The following GALNT18 variants were observed in gnomAD, a reference collection of about 807,000 sequenced individuals.
The protein encoded by GALNT18 is polypeptide N-acetylgalactosaminyltransferase 18, also known as GalNAc-transferase 18.
A neutral mutation model predicts 69.5 loss-of-function variants in GALNT18; 44 were observed. The observed-to-expected ratio is 0.63, with a 90% confidence interval of 0.50 to 0.81. The LOEUF (loss-of-function observed/expected upper bound fraction) is 0.81, where lower values mean the gene tolerates loss of function less well. GALNT18 is among the 40% of genes least tolerant of loss of function. The pLI is 0.00. For synonymous variants in GALNT18, 364 were observed against 318.2 expected, an observed-to-expected ratio of 1.14 and a Z score of -1.53; for missense variants, 715 against 810.0, an observed-to-expected ratio of 0.88 and a Z score of 1.42.
At chr11:11,477,217 ATTG>A (rs1379072032) in intron 1 of GALNT18, among the ~76,000 whole-genome samples, 1 of 152,188 alleles carries the variant, frequency 6.6e-6, no homozygotes, top group East Asian at 1.9e-4. Context: ...CCAGCCTGCA[ATTG>A]TTTTAGTAGG....
chr11:11,559,020 C>T (rs1858398994), intron 1 of GALNT18, among the ~76,000 whole-genome samples: 1 of 152,240 alleles, frequency 6.6e-6, no homozygotes, highest in African/African-American at 2.4e-5. Flanking sequence ...GGTGTTTCAC[C>T]ATGCCTCTGC....
rs1318318826 is a variant in GALNT18 at position 11,620,621 on chromosome 11, A to G, written c.235+738T>C. On this transcript the variant is annotated intron_variant, in intron 1 of 10. Transcript: ENST00000227756. This position sits in a 1 kb window ranked among gnomAD's most constrained non-coding sequence, Gnocchi z 6.9. ...CGGCTCCGCGGGGAAGGCGCAGCCC[A>G]GGGCGTGTTCTTCCAGTCTTGGGCG... Among the ~76,000 whole-genome samples, 1 of 152,174 alleles carries G rather than the reference A, an allele frequency of 6.6e-6. No homozygotes were observed. The highest frequency in any genetic ancestry group is 1.5e-5 in the Non-Finnish European group (1 of 68,026).
chr11:11,287,354 A>T (rs945568175), intron 10 of GALNT18, among the ~76,000 whole-genome samples: 1 of 152,210 alleles, frequency 6.6e-6, no homozygotes, highest in Non-Finnish European at 1.5e-5. Context: ...ACTCCCTCTA[A>T]CATTAGGCTA....
chr11:11,548,924 C>A (rs1858127498), intron 1 of GALNT18, among the ~76,000 whole-genome samples: 1 of 152,222 alleles, frequency 6.6e-6, no homozygotes, highest in African/African-American at 2.4e-5. Context: ...TTTATATTAG[C>A]TGTTGTGGCA....
chr11:11,508,123 T>TATAG, intron 1 of GALNT18, among the ~76,000 whole-genome samples: 1 of 152,254 alleles, frequency 6.6e-6, no homozygotes, highest in East Asian at 1.9e-4. Context: ...TCATGTCCTT[T>TATAG]ATAGCTCTTT....
At chr11:11,353,336 TC>T in intron 6 of GALNT18, 1 of 614,118 alleles carries the variant, frequency 1.6e-6, no homozygotes, top group East Asian at 2.8e-5. Flanking sequence ...ATAAAAACCT[TC>T]CCATCTCTAA....
intron 7 of GALNT18, among the ~76,000 whole-genome samples, chr11:11,333,044 C>T (rs1196127048): frequency 6.6e-6 from 1 of 151,246 alleles, no homozygotes; most frequent in Non-Finnish European, 1.5e-5. Flanking sequence ...CATTGCCGGG[C>T]CTTGTCATCA....
At position 11,413,713 on chromosome 11, in the gene GALNT18, T is replaced by C. The variant is rs1854785216; in HGVS notation, c.595+18908A>G. Among the ~76,000 whole-genome samples, 1 of 152,292 alleles carries C rather than the reference T, an allele frequency of 6.6e-6. No individual in the cohort carries two copies. The highest frequency in any genetic ancestry group is 6.5e-5 in the Admixed American group (1 of 15,290). On this transcript the variant is annotated intron_variant, in intron 3 of 10. Coordinates refer to ENST00000227756, the MANE Select transcript of GALNT18 (RefSeq NM_198516.3). The surrounding 1 kb of genome is among the most constrained non-coding windows in gnomAD (Gnocchi z 4.7). ...CTACTCCAGGGGTCCAGGCCCTGGTTCTTTGAAGCCTTGCTGTGTTATAAC... is the reference window on the plus strand; with the variant it reads ...CTACTCCAGGGGTCCAGGCCCTGGTCCTTTGAAGCCTTGCTGTGTTATAAC...
At position 11,555,463 on chromosome 11, in the gene GALNT18, C is replaced by T. The variant is rs1858311234; in HGVS notation, c.235+65896G>A. ...GCCAGCAGGCGTGCAGCTTAAAACA[C>T]AGGTCTGGCGTGAGTCTCCTGTGAC... is the stretch of plus-strand genomic sequence containing the variant. On this transcript the variant is annotated intron_variant, in intron 1 of 10. Coordinates refer to ENST00000227756, the MANE Select transcript of GALNT18 (RefSeq NM_198516.3). This position sits in a 1 kb window ranked among gnomAD's most constrained non-coding sequence, Gnocchi z 4.7. 6.6e-6 allele frequency among the ~76,000 whole-genome samples: 1 copy of T among 152,238 alleles called. No individual in the cohort carries two copies. The highest frequency in any genetic ancestry group is 1.5e-5 in the Non-Finnish European group (1 of 68,042).
At chr11:11,498,010 G>A (rs1856901390) in intron 1 of GALNT18, among the ~76,000 whole-genome samples, 1 of 151,684 alleles carries the variant, frequency 6.6e-6, no homozygotes, top group Non-Finnish European at 1.5e-5. Flanking sequence ...TTCCAAATTT[G>A]GCTTAAAATG....
chr11:11,471,680 A>T (rs541265206), intron 1 of GALNT18, among the ~76,000 whole-genome samples: 13 of 152,352 alleles, frequency 8.5e-5, no homozygotes, highest in African/African-American at 3.1e-4. Flanking sequence ...TGTAGAAGCA[A>T]ACTAAGCAAG....
chr11:11,322,961 C>CTCT (rs146111296), intron 9 of GALNT18, among the ~76,000 whole-genome samples: 28,280 of 151,976 alleles, frequency 0.19, 2,982 homozygotes, highest in Admixed American at 0.33. Context: ...TTGATGTCTG[C>CTCT]TCTTATAAGG....
At chr11:11,490,815 G>A (rs1400146526) in intron 1 of GALNT18, among the ~76,000 whole-genome samples, 2 of 152,228 alleles carry the variant, frequency 1.3e-5, no homozygotes, top group Non-Finnish European at 2.9e-5. Context: ...ATGCAGGGCT[G>A]GGCCTGGGTC....
intron 1 of GALNT18, among the ~76,000 whole-genome samples, chr11:11,559,960 T>C (rs563649740): frequency 1.4e-5 from 2 of 146,434 alleles, no homozygotes; most frequent in East Asian, 2.1e-4. Flanking sequence ...TGGGATATGA[T>C]GGGATGCGAT....
chr11:11,484,593 CAAAAAAAAA>C (rs1159968814), intron 1 of GALNT18, among the ~76,000 whole-genome samples: 6 of 83,066 alleles, frequency 7.2e-5, no homozygotes, highest in African/African-American at 2.3e-4. Flanking sequence ...AACTCCATCT[CAAAAAAAAA>C]AAAAAAAAAA....
In GALNT18 at chr11:11,318,408, A is replaced by G. The variant is rs1295802489; in HGVS notation, c.1512+8678T>C. Among the ~76,000 whole-genome samples, 2 of 152,214 alleles carry G rather than the reference A, an allele frequency of 1.3e-5. No homozygotes were observed. The highest frequency in any genetic ancestry group is 6.5e-5 in the Admixed American group (1 of 15,284). On this transcript the variant is annotated intron_variant, in intron 9 of 10. Transcript: ENST00000227756. The surrounding 1 kb of genome is among the most constrained non-coding windows in gnomAD (Gnocchi z 5.1). Reference sequence around the variant, plus strand: ...AGGGGCAATTTGGACACAGACGCACATACTGATAATGCCATGTGAAGGGTG... The same window carrying G: ...AGGGGCAATTTGGACACAGACGCACGTACTGATAATGCCATGTGAAGGGTG...
At chr11:11,361,601 G>T (rs188557615) in intron 6 of GALNT18, among the ~76,000 whole-genome samples, 553 of 152,088 alleles carry the variant, frequency 3.6e-3, no homozygotes, top group African/African-American at 0.013. Context: ...CTTTTTTATG[G>T]TTCTAATTTA....
rs1425629100 is a variant in GALNT18, at chr11:11,387,828, G to A, written c.596-8564C>T. ...TGATGAATGATGGTGAGCCTGGCTT[G>A]GGCAGCTGGGATCCCGGAGAGCTCC... is the stretch of plus-strand genomic sequence containing the variant. On this transcript the variant is annotated intron_variant, in intron 3 of 10. Transcript: ENST00000227756. This position sits in a 1 kb window ranked among gnomAD's most constrained non-coding sequence, Gnocchi z 4.6. Among the ~76,000 whole-genome samples the A allele has an allele frequency of 2.0e-5, 3 of 152,216 alleles. No individual in the cohort carries two copies. Among genetic ancestry groups the A allele is most frequent in the Non-Finnish European group, 4.4e-5 (3 of 68,046 alleles).
intron 1 of GALNT18, among the ~76,000 whole-genome samples, chr11:11,474,419 C>T (rs1856342668): frequency 6.6e-6 from 1 of 152,130 alleles, no homozygotes; most frequent in African/African-American, 2.4e-5. Flanking sequence ...ACCTGTGAGC[C>T]TTTGTGAGGA....
Sources: allele counts gnomAD v4.1 joint callset (sites outside exome capture counted in the v4.1 genomes callset), GRCh38; gene constraint gnomAD v4.1.1; non-coding constraint Gnocchi (gnomAD v3.1); transcripts MANE v1.5; gene names NCBI Gene and HGNC (gene_info 2026-07-23, HGNC 2026-07-21).